The following SLC45A4 variants were observed in gnomAD, a reference collection of about 807,000 sequenced individuals.
The protein encoded by SLC45A4 is solute carrier family 45 member 4.
In SLC45A4, 32 loss-of-function variants were observed where a neutral mutation model predicts 63.7. The observed-to-expected ratio is 0.50, with a 90% CI of 0.38 to 0.67. SLC45A4 has a LOEUF of 0.67. SLC45A4 is among the 30% of genes least tolerant of loss of function. The pLI is 0.00. For synonymous variants in SLC45A4, 535 were observed against 510.0 expected, an observed-to-expected ratio of 1.05 and a Z score of -0.66; for missense variants, 1,027 against 1,157.7, an observed-to-expected ratio of 0.89 and a Z score of 1.64.
intron 1 of SLC45A4, among the ~76,000 whole-genome samples, chr8:141,305,742 C>T (rs565298362): frequency 1.3e-5 from 2 of 152,288 alleles, no homozygotes; most frequent in South Asian, 2.1e-4. Flanking sequence ...GGATGCACCA[C>T]GGTCAGAACG....
intron 1 of SLC45A4, among the ~76,000 whole-genome samples, chr8:141,274,890 CAG>C: frequency 6.6e-6 from 1 of 152,362 alleles, no homozygotes; most frequent in Non-Finnish European, 1.5e-5. Context: ...AAACTCACAA[CAG>C]GGGTTCACCA....
At chr8:141,273,006 AAACT>A (rs773567955) in intron 1 of SLC45A4, among the ~76,000 whole-genome samples, 1 of 152,254 alleles carries the variant, frequency 6.6e-6, no homozygotes, top group South Asian at 2.1e-4. Context: ...CTACCAAAAC[AAACT>A]GTTACCTAAA....
At chr8:141,214,542 A>T (rs1428254395) in intron 7 of SLC45A4, among the ~76,000 whole-genome samples, 1 of 152,218 alleles carries the variant, frequency 6.6e-6, no homozygotes, top group Non-Finnish European at 1.5e-5. Flanking sequence ...CTCTCCCCAA[A>T]TTGACCCATA....
intron 2 of SLC45A4, among the ~76,000 whole-genome samples, chr8:141,245,711 C>T (rs1180699897): frequency 1.3e-5 from 2 of 152,150 alleles, no homozygotes; most frequent in Non-Finnish European, 2.9e-5. Flanking sequence ...CCCAGACCAG[C>T]CTTAGGCCCA....
chr8:141,297,850 C>T (rs769559885), intron 1 of SLC45A4, among the ~76,000 whole-genome samples: 19 of 152,168 alleles, frequency 1.2e-4, no homozygotes, highest in Non-Finnish European at 2.6e-4. Flanking sequence ...TTAAACATTA[C>T]CTCATTTCAT....
chr8:141,239,768 G>A (rs1036753459), intron 2 of SLC45A4, among the ~76,000 whole-genome samples: 1 of 152,190 alleles, frequency 6.6e-6, no homozygotes, highest in Non-Finnish European at 1.5e-5. Context: ...TTCCTAAGAA[G>A]GGCTGGGCTC....
In SLC45A4 at chr8:141,276,556, T is replaced by C. The variant is rs140668484; in HGVS notation, c.-400-21927A>G. Among the ~76,000 whole-genome samples the C allele has an allele frequency of 3.8e-3, 575 of 152,294 alleles. 8 individuals are homozygous for C. The highest frequency in any genetic ancestry group is 0.013 in the African/African-American group (549 of 41,550). ...ACAGCAGGTTCCTCCCAAATGTTCT[T>C]GGAACCTAGGTGCTACTCATTCCTC... is the stretch of plus-strand genomic sequence containing the variant. On this transcript the variant is annotated intron_variant, in intron 1 of 8. Transcript: ENST00000517878.
intron 1 of SLC45A4, among the ~76,000 whole-genome samples, chr8:141,306,079 A>G (rs1300286599): frequency 1.4e-5 from 2 of 147,930 alleles, no homozygotes; most frequent in Admixed American, 6.8e-5. Context: ...CACACCTTGG[A>G]GCTCACCCAG....
Position 141,215,485 on chromosome 8 carries a change from C to T in SLC45A4, c.1941+274G>A, listed in dbSNP as rs574103483. ...GGAAATGTGACTGGGCCTGAGGGGA[C>T]CAAAGGGGCAGGGACAGTGCTTTTG... On this transcript the variant is annotated intron_variant, in intron 7 of 8. Transcript: ENST00000517878. This position sits in a 1 kb window ranked among gnomAD's most constrained non-coding sequence, Gnocchi z 4.3. Among the ~76,000 whole-genome samples, 25 of 151,988 alleles carry T rather than the reference C, an allele frequency of 1.6e-4. No homozygotes were observed. Among genetic ancestry groups the T allele is most frequent in the African/African-American group, 5.8e-4 (24 of 41,438 alleles).
At position 141,215,856 on chromosome 8, in the gene SLC45A4, T is replaced by C. The variant is rs201000629; in HGVS notation, c.1844A>G (p.Tyr615Cys). ...GGTGCTGATGGTGACCATGGCGACG[T>C]AGACGTTGGGAAACATGGCCATCAC... ...TAVMAMFPNVYVAMVTISTMG... is the reference protein window; with the variant it reads ...TAVMAMFPNVCVAMVTISTMG... Residue 615 changes from tyrosine to cysteine, a missense_variant, in exon 7 of 9, where the codon TAC (tyrosine) becomes TGC (cysteine). Tyr to Cys is a radical substitution (Grantham distance 194). Coordinates refer to ENST00000517878, the MANE Select transcript of SLC45A4 (RefSeq NM_001286646.2). This position sits in a 1 kb window ranked among gnomAD's most constrained non-coding sequence, Gnocchi z 4.3. 99 of 1,613,994 alleles carry C rather than the reference T, an allele frequency of 6.1e-5. No homozygotes were observed. Among genetic ancestry groups the C allele is most frequent in the Middle Eastern group, 1.6e-4 (1 of 6,084 alleles).
intron 1 of SLC45A4, among the ~76,000 whole-genome samples, chr8:141,271,459 T>A (rs1829516619): frequency 6.6e-6 from 1 of 152,198 alleles, no homozygotes; most frequent in Non-Finnish European, 1.5e-5. Flanking sequence ...CTGGCTCAGA[T>A]GCCCAAGAAC....
intron 1 of SLC45A4, among the ~76,000 whole-genome samples, chr8:141,276,865 C>A (rs1401022610): frequency 6.6e-6 from 1 of 152,238 alleles, no homozygotes; most frequent in Non-Finnish European, 1.5e-5. Flanking sequence ...CTTCCAAGGC[C>A]AAACACCTCA....
At chr8:141,265,432 T>C (rs1589831310) in intron 1 of SLC45A4, among the ~76,000 whole-genome samples, 1 of 152,336 alleles carries the variant, frequency 6.6e-6, no homozygotes, top group East Asian at 1.9e-4. Context: ...GTTCTCACAC[T>C]GCGCGGGGGC....
intron 2 of SLC45A4, among the ~76,000 whole-genome samples, chr8:141,248,271 T>A (rs925496579): frequency 6.6e-6 from 1 of 152,202 alleles, no homozygotes; most frequent in African/African-American, 2.4e-5. Context: ...AAAGATACCA[T>A]TAGGAAAATG....
At chr8:141,276,404 C>G (rs2154615001) in intron 1 of SLC45A4, among the ~76,000 whole-genome samples, 1 of 152,224 alleles carries the variant, frequency 6.6e-6, no homozygotes, top group Admixed American at 6.5e-5. Flanking sequence ...GTAGGGAGAG[C>G]AAGTCTGAAA....
intron 2 of SLC45A4, among the ~76,000 whole-genome samples, chr8:141,244,752 G>A (rs538377478): frequency 7.2e-5 from 11 of 152,196 alleles, no homozygotes; most frequent in African/African-American, 2.2e-4. Flanking sequence ...CAAACATACT[G>A]AATGTGACAG....
At chr8:141,264,108 G>A (rs1829161197) in intron 1 of SLC45A4, among the ~76,000 whole-genome samples, 1 of 152,212 alleles carries the variant, frequency 6.6e-6, no homozygotes. Context: ...AAGAACGCAA[G>A]AGCATGTCCC....
intron 2 of SLC45A4, among the ~76,000 whole-genome samples, chr8:141,235,353 C>T (rs956429485): frequency 4.6e-5 from 7 of 152,162 alleles, no homozygotes; most frequent in Admixed American, 1.3e-4. Context: ...CAGGGCACAG[C>T]GGGTGTGTCT....
At chr8:141,282,172 C>A (rs1251097875) in intron 1 of SLC45A4, among the ~76,000 whole-genome samples, 2 of 152,172 alleles carry the variant, frequency 1.3e-5, no homozygotes, top group African/African-American at 4.8e-5. Flanking sequence ...GAAGGAGCAT[C>A]CGAGCTGATC....
Sources: gnomAD v4.1 joint callset for allele counts (sites outside exome capture counted in the v4.1 genomes callset) on GRCh38, gnomAD v4.1.1 for gene constraint, Gnocchi (gnomAD v3.1) non-coding constraint, MANE v1.5 for transcripts, NCBI Gene and HGNC (gene_info 2026-07-23, HGNC 2026-07-21) for gene names.